The following MYT1L variants were observed in gnomAD, a reference collection of about 807,000 sequenced individuals.
The protein encoded by MYT1L is myelin transcription factor 1-like protein.
MYT1L carries 12 observed loss-of-function variants against 126.7 expected under a neutral mutation model. That is an observed-to-expected ratio of 0.09 (90% CI 0.06 to 0.15). The LOEUF is 0.15. Among genes scored for constraint, MYT1L ranks in the 10% least tolerant of loss-of-function variants. The pLI is 1.00. For missense variants in MYT1L, 979 were observed against 1,585.2 expected, an observed-to-expected ratio of 0.62 and a Z score of 6.49; for synonymous variants, 541 against 604.2, an observed-to-expected ratio of 0.90 and a Z score of 1.53.
At chr2:2,155,004 G>A (rs2086489505) in intron 3 of MYT1L, among the ~76,000 whole-genome samples, 1 of 152,080 alleles carries the variant, frequency 6.6e-6, no homozygotes, top group Non-Finnish European at 1.5e-5. Flanking sequence ...GTGCATGCCT[G>A]TAATCCCAGC....
intron 2 of MYT1L, among the ~76,000 whole-genome samples, chr2:2,273,125 C>G (rs973631148): frequency 6.6e-6 from 1 of 152,132 alleles, no homozygotes; most frequent in Non-Finnish European, 1.5e-5. Flanking sequence ...TGTATCCTGC[C>G]CCCTGCCACA....
At chr2:2,101,506 C>T (rs969952005) in intron 3 of MYT1L, among the ~76,000 whole-genome samples, 1 of 152,092 alleles carries the variant, frequency 6.6e-6, no homozygotes, top group African/African-American at 2.4e-5. Flanking sequence ...TGGATGGATG[C>T]ATACATCCAT....
At chr2:2,276,328 A>G (rs551014987) in intron 2 of MYT1L, among the ~76,000 whole-genome samples, 42 of 152,318 alleles carry the variant, frequency 2.8e-4, no homozygotes, top group African/African-American at 1.0e-3. Flanking sequence ...AACCAGGACC[A>G]TGACAGCTTG....
At chr2:1,950,286 AAATAAG>A (rs1255839179) in intron 8 of MYT1L, among the ~76,000 whole-genome samples, 1 of 152,186 alleles carries the variant, frequency 6.6e-6, no homozygotes, top group East Asian at 1.9e-4. Context: ...GGATCTCACT[AAATAAG>A]AATATCTATT....
intron 3 of MYT1L, among the ~76,000 whole-genome samples, chr2:2,090,411 A>T (rs192458913): frequency 2.6e-5 from 4 of 152,366 alleles, no homozygotes; most frequent in Non-Finnish European, 5.9e-5. Context: ...GTGCAATAGC[A>T]TTATGTCTAA....
At chr2:2,079,194 C>T (rs2075547962) in intron 3 of MYT1L, among the ~76,000 whole-genome samples, 1 of 151,852 alleles carries the variant, frequency 6.6e-6, no homozygotes, top group Non-Finnish European at 1.5e-5. Flanking sequence ...TGGACTAAAA[C>T]AACTAGAATA....
At chr2:2,005,675 C>T (rs112032930) in intron 4 of MYT1L, among the ~76,000 whole-genome samples, 4,301 of 149,334 alleles carry the variant, frequency 0.029, 194 homozygotes, top group African/African-American at 0.098. Context: ...TTCCTGCATG[C>T]GTTCTTTCCT....
At chr2:2,037,840 T>C (rs1409992262) in intron 4 of MYT1L, among the ~76,000 whole-genome samples, 1 of 151,796 alleles carries the variant, frequency 6.6e-6, no homozygotes, top group Non-Finnish European at 1.5e-5. Context: ...AAACTATATA[T>C]TCAAAACTAC....
At chr2:2,126,028 C>T (rs2081642434) in intron 3 of MYT1L, among the ~76,000 whole-genome samples, 1 of 152,164 alleles carries the variant, frequency 6.6e-6, no homozygotes, top group African/African-American at 2.4e-5. Context: ...CAACATTCCC[C>T]TCGTGGGCCA....
chr2:1,969,248 C>T (rs771550740), intron 8 of MYT1L, among the ~76,000 whole-genome samples: 42 of 152,302 alleles, frequency 2.8e-4, no homozygotes, highest in Non-Finnish European at 5.0e-4. Flanking sequence ...GCTGTGGGAA[C>T]GCCCCACCAC....
Position 2,217,685 on chromosome 2 carries a change from C to CAAAAAAAAAA in MYT1L, c.-420-44698_-420-44697insTTTTTTTTTT, listed in dbSNP as rs1167910803. Among the ~76,000 whole-genome samples, 17 of 79,654 alleles carry CAAAAAAAAAA rather than the reference C, an allele frequency of 2.1e-4. 2 individuals carry two copies. The highest frequency in any genetic ancestry group is 7.9e-4 in the South Asian group (2 of 2,534). 52.3% of individuals were successfully genotyped at this position (79,654 alleles called of 152,430 possible). Reference sequence around the variant, plus strand: ...AACTCCATCTCAACAACAACAACAACAACAACAACAACAACAACAACAAAA... The same window carrying CAAAAAAAAAA: ...AACTCCATCTCAACAACAACAACAACAAAAAAAAAAAACAACAACAACAACAACAACAAAA... On this transcript the variant is annotated intron_variant, in intron 2 of 24. Coordinates refer to ENST00000647738, the MANE Select transcript of MYT1L (RefSeq NM_001303052.2).
intron 2 of MYT1L, among the ~76,000 whole-genome samples, chr2:2,185,304 T>C (rs1043810255): frequency 2.6e-5 from 4 of 152,264 alleles, no homozygotes; most frequent in Non-Finnish European, 5.9e-5. Context: ...AAAATGTAAC[T>C]AGTCATTCAG....
At chr2:1,835,632 C>G (rs2040775748) in intron 21 of MYT1L, among the ~76,000 whole-genome samples, 1 of 152,158 alleles carries the variant, frequency 6.6e-6, no homozygotes, top group Non-Finnish European at 1.5e-5. Flanking sequence ...CTGGACTGCC[C>G]CTTTCCCCTT....
chr2:1,959,420 T>C (rs1465757441), intron 8 of MYT1L, among the ~76,000 whole-genome samples: 1 of 152,220 alleles, frequency 6.6e-6, no homozygotes, highest in Non-Finnish European at 1.5e-5. Context: ...GACAGGGCTG[T>C]GACTTCAGGG....
chr2:2,322,418 GA>G (rs2096183612), intron 1 of MYT1L, among the ~76,000 whole-genome samples: 1 of 152,044 alleles, frequency 6.6e-6, no homozygotes, highest in Admixed American at 6.6e-5. Context: ...ACTAGACAGG[GA>G]AAAATTCCCT....
chr2:1,866,788 GGA>G (rs1281367665), intron 18 of MYT1L, among the ~76,000 whole-genome samples: 2 of 67,472 alleles, frequency 3.0e-5, no homozygotes, highest in African/African-American at 5.6e-5. Context: ...AGAGGGAGGG[GGA>G]GAGAGAGAGG....
rs370972125 is a variant in MYT1L, at chr2:1,801,530, C to T, written c.3276+166G>A. On this transcript the variant is annotated intron_variant, in intron 23 of 24. Transcript: ENST00000647738. The surrounding 1 kb of genome is among the most constrained non-coding windows in gnomAD (Gnocchi z 4.2). The stretch of plus-strand genomic sequence containing the variant: ...GCCCCTGCTACAGCGAACACTGCCA[C>T]GGAATGGTGTCTGCGGAAGACCAAT... 1.5e-4 allele frequency: 80 copies of T among 550,786 alleles called. No homozygotes were observed. Among genetic ancestry groups the T allele is most frequent in the East Asian group, 4.8e-4 (16 of 33,304 alleles). The allele number at this position is 550,786 out of a possible 1,614,324, so 34.1% of individuals were successfully genotyped here.
At chr2:2,084,576 G>A (rs556133782) in intron 3 of MYT1L, among the ~76,000 whole-genome samples, 2 of 152,252 alleles carry the variant, frequency 1.3e-5, no homozygotes, top group South Asian at 2.1e-4. Flanking sequence ...CAGAGAAACC[G>A]AGTCCTGGCA....
rs915774523 is a variant in MYT1L at position 1,798,789 on chromosome 2, G to T, written c.3276+2907C>A. ...CAGGAAGGCCGAGGCCATCAGGCAG[G>T]GCCGCTTTATGCCCTGGAGAGCTGG... On this transcript the variant is annotated intron_variant, in intron 23 of 24. Coordinates refer to ENST00000647738, the MANE Select transcript of MYT1L (RefSeq NM_001303052.2). Among the ~76,000 whole-genome samples the T allele has an allele frequency of 2.0e-5, 3 of 152,294 alleles. No homozygotes were observed. The East Asian group carries it at 5.8e-4, about 29-fold the overall frequency.
Sources: allele counts gnomAD v4.1 joint callset (sites outside exome capture counted in the v4.1 genomes callset), GRCh38; gene constraint gnomAD v4.1.1; non-coding constraint Gnocchi (gnomAD v3.1); transcripts MANE v1.5; gene names NCBI Gene and HGNC (gene_info 2026-07-23, HGNC 2026-07-21).